OR1L8: variants seen among roughly 807,000 people sequenced by gnomAD.
The protein encoded by OR1L8 is olfactory receptor 1L8.
For synonymous variants in OR1L8, 148 were observed against 147.0 expected, an observed-to-expected ratio of 1.01 and a Z score of -0.05; for missense variants, 330 against 377.4, an observed-to-expected ratio of 0.87 and a Z score of 1.04.
downstream of OR1L8, chr9:122,566,999 A>G (rs1829438451): frequency 6.6e-6 from 1 of 152,194 alleles, no homozygotes; most frequent in Admixed American, 6.5e-5. Flanking sequence ...TAATAAAGGA[A>G]GGATAGAAAG....
chr9:122,553,688 C>T, the OR1L8 span: 1 of 1,614,108 alleles, frequency 6.2e-7, no homozygotes, highest in Non-Finnish European at 8.5e-7. Context: ...ACTGTCCTGC[C>T]CTGATGCACA....
At chr9:122,570,781 T>A (rs1043726834) in intron 4 of OR1L8, among the ~76,000 whole-genome samples, 1 of 152,172 alleles carries the variant, frequency 6.6e-6, no homozygotes, top group Non-Finnish European at 1.5e-5. Context: ...TATTTGCTGA[T>A]ATATTGAGTG....
rs1829448337 is a variant in OR1L8 at position 122,567,464 on chromosome 9, A to G, written c.*84T>C. 9.6e-7 allele frequency: 1 copy of G among 1,038,818 alleles called. No homozygotes were observed. Among genetic ancestry groups the G allele is most frequent in the Admixed American group, 2.3e-5 (1 of 43,070 alleles). 64.4% of individuals were successfully genotyped at this position (1,038,818 alleles called of 1,614,324 possible). A position where few individuals can be genotyped will look rare whatever the true frequency, so the allele number is the denominator to read the frequency against. ...TGGGTCAGAAGTGCTAGCTTCCAAC[A>G]GCTTTGACTGTTCACCAGAAACCAG... On this transcript the variant is annotated 3_prime_UTR_variant, in exon 5 of 5. Transcript: ENST00000641027.
the OR1L8 span, among the ~76,000 whole-genome samples, chr9:122,548,272 T>C: frequency 2.0e-5 from 3 of 152,116 alleles, no homozygotes; most frequent in Non-Finnish European, 4.4e-5. Context: ...GGTAGTTAAT[T>C]GGGTGGAATT....
rs375326579 is a variant in OR1L8, at chr9:122,567,387, T to C, written c.*161A>G. 20 of 524,252 alleles carry C rather than the reference T, an allele frequency of 3.8e-5. No homozygotes were observed. The highest frequency in any genetic ancestry group is 3.2e-4 in the African/African-American group (17 of 52,496). The allele number at this position is 524,252 out of a possible 1,614,324, so 32.5% of individuals were successfully genotyped here. ...TGTGATTTAAGAGATACAGGCCGAATTGTTGGGTCATCATCAATGGATGTA... is the reference window on the plus strand; with the variant it reads ...TGTGATTTAAGAGATACAGGCCGAACTGTTGGGTCATCATCAATGGATGTA... On this transcript the variant is annotated 3_prime_UTR_variant, in exon 5 of 5. Transcript: ENST00000641027.
At chr9:122,579,212 G>A (rs1164668697) in intron 1 of OR1L8, among the ~76,000 whole-genome samples, 3 of 151,658 alleles carry the variant, frequency 2.0e-5, no homozygotes, top group Non-Finnish European at 2.9e-5. Flanking sequence ...TTATTTGATA[G>A]CATATTTTGA....
chr9:122,573,310 G>T (rs1428661084), intron 3 of OR1L8, among the ~76,000 whole-genome samples: 1 of 152,244 alleles, frequency 6.6e-6, no homozygotes, highest in Non-Finnish European at 1.5e-5. Flanking sequence ...GCTAAACTCA[G>T]AGCTTCTTAA....
At chr9:122,563,184 A>G (rs111628218), downstream of OR1L8, among the ~76,000 whole-genome samples, 2 of 149,364 alleles carry the variant, frequency 1.3e-5, no homozygotes, top group African/African-American at 4.9e-5. Flanking sequence ...AGCATTTGTT[A>G]TTTTTTTTTT....
the OR1L8 span, chr9:122,553,776 A>G: frequency 1.9e-6 from 3 of 1,613,920 alleles, no homozygotes; most frequent in African/African-American, 4.0e-5. Flanking sequence ...TGCTCTCCTG[A>G]AGCTTGCCTG....
Sources: gnomAD v4.1 joint callset for allele counts (sites outside exome capture counted in the v4.1 genomes callset) on GRCh38, gnomAD v4.1.1 for gene constraint, MANE v1.5 for transcripts, NCBI Gene and HGNC (gene_info 2026-07-23, HGNC 2026-07-21) for gene names.